NUTM2F: variants seen among roughly 807,000 people sequenced by gnomAD.
NUTM2F encodes the protein NUT family member 2F.
Under a neutral mutation model 43.3 loss-of-function variants are expected in NUTM2F, and 22 were observed. The ratio of observed to expected loss-of-function variants is 0.51; its 90% CI spans 0.36 to 0.73. NUTM2F has a LOEUF of 0.73. Among genes scored for constraint, NUTM2F ranks in the 30% least tolerant of loss-of-function variants. NUTM2F has a pLI of 0.00. For missense variants in NUTM2F, 488 were observed against 927.4 expected (o/e 0.53, Z 6.15); for synonymous variants, 202 against 389.0 (o/e 0.52, Z 5.66).
intron 2 of NUTM2F, among the ~76,000 whole-genome samples, chr9:94,323,084 G>T (rs1006634465): frequency 1.1e-4 from 16 of 152,152 alleles, no homozygotes; most frequent in Admixed American, 1.0e-3. Context: ...AGGAGCACAC[G>T]TCCAGAACCA....
In NUTM2F at chr9:94,325,929, G is replaced by C. The variant is rs755626910; in HGVS notation, c.22C>G (p.Pro8Ala). Residue 8 changes from proline to alanine, a missense_variant, in exon 2 of 7, where the codon CCA becomes GCA. Pro to Ala is a conservative substitution (Grantham distance 27, BLOSUM62 -1). Transcript: ENST00000253262. MASNGAY[P>A]VLGPGVTVNP... is the part of the protein sequence containing the mutation. The stretch of plus-strand genomic sequence containing the variant: ...ACGGTCACGCCGGGTCCCAGCACTG[G>C]GTATGCTGTGGAGACAAAGGAAAGA... 1 of 1,611,546 alleles carries C rather than the reference G, an allele frequency of 6.2e-7. No homozygotes were observed. Among genetic ancestry groups the C allele is most frequent in the Non-Finnish European group, 8.5e-7 (1 of 1,179,732 alleles).
chr9:94,322,826 T>C (rs990050037), intron 2 of NUTM2F, among the ~76,000 whole-genome samples: 4 of 152,148 alleles, frequency 2.6e-5, no homozygotes, highest in Non-Finnish European at 4.4e-5. Flanking sequence ...CGCTGTCACC[T>C]TGATCTGGGA....
chr9:94,324,726 C>T (rs1831428115), intron 2 of NUTM2F, among the ~76,000 whole-genome samples: 1 of 150,086 alleles, frequency 6.7e-6, no homozygotes, highest in Admixed American at 6.6e-5. Flanking sequence ...CATGATGGCT[C>T]ATGCCTGTAA....
intron 2 of NUTM2F, 22 bp from the exon 3 acceptor site, chr9:94,322,351 C>T (rs753527812): frequency 1.6e-5 from 26 of 1,611,610 alleles, no homozygotes; most frequent in Non-Finnish European, 2.2e-5. Context: ...TGCAGTCAGT[C>T]CCAGTCTGTA....
In NUTM2F at chr9:94,325,875, T is replaced by C; in HGVS notation, c.76A>G (p.Thr26Ala). Residue 26 changes from threonine (T) to alanine (A), a missense_variant, in exon 2 of 7, where the codon ACG becomes GCG. Physicochemically the swap from Thr to Ala is moderately conservative, Grantham distance 58 (BLOSUM62 0). Transcript: ENST00000253262. Reference sequence around the variant, plus strand: ...GCGGGTGTGGCAAAGGGCAGAGCCGTGAACACAGACAGGGAGGTGCCAGGG... The same window carrying C: ...GCGGGTGTGGCAAAGGGCAGAGCCGCGAACACAGACAGGGAGGTGCCAGGG... ...VNPGTSLSVFTALPFATPAPG... is the reference protein window; with the variant it reads ...VNPGTSLSVFAALPFATPAPG... 2 of 1,611,888 alleles carry C rather than the reference T, an allele frequency of 1.2e-6. No homozygotes were observed. Among genetic ancestry groups the C allele is most frequent in the Non-Finnish European group, 1.7e-6 (2 of 1,179,834 alleles).
At chr9:94,323,931 C>T (rs1483299503) in intron 2 of NUTM2F, among the ~76,000 whole-genome samples, 2 of 152,170 alleles carry the variant, frequency 1.3e-5, no homozygotes, top group Non-Finnish European at 2.9e-5. Flanking sequence ...TGCCCCTGGC[C>T]ATTGACACTC....
chr9:94,326,636 C>T (rs1252330798), intron 1 of NUTM2F, among the ~76,000 whole-genome samples: 1 of 150,280 alleles, frequency 6.7e-6, no homozygotes, highest in Non-Finnish European at 1.5e-5. Flanking sequence ...CCCAGCTACT[C>T]AGGAGGCTGA....
chr9:94,323,590 C>G (rs1179015392), intron 2 of NUTM2F, among the ~76,000 whole-genome samples: 1 of 152,102 alleles, frequency 6.6e-6, no homozygotes, highest in African/African-American at 2.4e-5. Flanking sequence ...ATGGCCTAGT[C>G]CTGATAATGG....
chr9:94,321,363 T>C, intron 3 of NUTM2F, 131 bp from the exon 4 acceptor site: 5 of 1,437,952 alleles, frequency 3.5e-6, no homozygotes, highest in Non-Finnish European at 4.6e-6. Context: ...CTGGGACCCA[T>C]CCCCCAGTCC....
intron 2 of NUTM2F, among the ~76,000 whole-genome samples, chr9:94,323,720 A>G (rs71227870): frequency 3.9e-5 from 6 of 152,144 alleles, no homozygotes; most frequent in African/African-American, 9.7e-5. Context: ...TCTGAATGAA[A>G]CACCATTGTC....
At chr9:94,324,662 CAAAAAAAAAAA>C (rs539317022) in intron 2 of NUTM2F, among the ~76,000 whole-genome samples, 1 of 60,352 alleles carries the variant, frequency 1.7e-5, no homozygotes, top group African/African-American at 5.6e-5. Context: ...GACTCCATCT[CAAAAAAAAAAA>C]AAAAAGAAAA....
At position 94,326,173 on chromosome 9, in the gene NUTM2F, C is replaced by A. The variant is rs567301679; in HGVS notation, c.17-239G>T. 1.8e-3 allele frequency among the ~76,000 whole-genome samples: 280 copies of A among 152,046 alleles called. 2 individuals carry two copies. The Middle Eastern group carries it at 0.024, about 13-fold the overall frequency. On this transcript the variant is annotated intron_variant, in intron 1 of 6. Coordinates refer to ENST00000253262, the MANE Select transcript of NUTM2F (RefSeq NM_017561.2). Reference sequence around the variant, plus strand: ...TGTCTGCCAAGAAGAAACAGCCAAGCCTTTGCTGTCTCTGAGGGTCTCCCT... The same window carrying A: ...TGTCTGCCAAGAAGAAACAGCCAAGACTTTGCTGTCTCTGAGGGTCTCCCT...
chr9:94,324,007 C>T (rs1191925683), intron 2 of NUTM2F, among the ~76,000 whole-genome samples: 3 of 152,134 alleles, frequency 2.0e-5, no homozygotes, highest in East Asian at 1.9e-4. Context: ...CGGTGGCTCA[C>T]GCCTGCAATC....
chr9:94,321,808 G>A (rs1831370515), intron 3 of NUTM2F, among the ~76,000 whole-genome samples: 1 of 150,256 alleles, frequency 6.7e-6, no homozygotes, highest in Admixed American at 6.7e-5. Context: ...CCCTGGCCAG[G>A]CTGGGATGGG....
intron 5 of NUTM2F, 44 bp from the exon 6 acceptor site, chr9:94,319,773 T>G: frequency 6.3e-7 from 1 of 1,596,232 alleles, no homozygotes; most frequent in South Asian, 1.1e-5. Flanking sequence ...GGGGAGGGAG[T>G]AACCTGGAGC....
At chr9:94,322,537 C>T (rs1831390955) in intron 2 of NUTM2F, among the ~76,000 whole-genome samples, 2 of 152,250 alleles carry the variant, frequency 1.3e-5, no homozygotes, top group African/African-American at 4.8e-5. Context: ...CCGACTGCCT[C>T]TCAAGTCCTC....
In NUTM2F at chr9:94,324,532, G is replaced by A. The variant is rs181740966; in HGVS notation, c.713+706C>T. Among the ~76,000 whole-genome samples the A allele has an allele frequency of 4.6e-5, 7 of 151,410 alleles. No individual in the cohort carries two copies. The East Asian group carries it at 1.4e-3, about 30-fold the overall frequency. ...AAAAAAATTAGCCGGGCATGGTGGT[G>A]GGCACCTGTAGTCCCAGCTACTCGG... On this transcript the variant is annotated intron_variant, in intron 2 of 6. Transcript: ENST00000253262.
chr9:94,322,234 A>G lies in NUTM2F; in HGVS notation c.809T>C (p.Phe270Ser). Residue 270 changes from phenylalanine to serine, a missense_variant, in exon 3 of 7, where the codon TTT (phenylalanine) becomes TCT (serine). Coordinates refer to ENST00000253262, the MANE Select transcript of NUTM2F (RefSeq NM_017561.2). ...CATCTCGTAGAAGATCATCCGGTCA[A>G]AGTTGCTCGTGTGCTGCCATTCCCG... ...AMREWQHTSN[F>S]DRMIFYEMAE... is the part of the protein sequence containing the mutation. 1 of 1,612,034 alleles carries G rather than the reference A, an allele frequency of 6.2e-7. No individual in the cohort carries two copies.
intron 2 of NUTM2F, among the ~76,000 whole-genome samples, chr9:94,323,808 C>G (rs1247206662): frequency 2.6e-5 from 4 of 152,106 alleles, no homozygotes; most frequent in African/African-American, 4.8e-5. Context: ...CCAAGACCAT[C>G]CCCCTGTGCA....
Sources: allele counts gnomAD v4.1 joint callset (sites outside exome capture counted in the v4.1 genomes callset), GRCh38; gene constraint gnomAD v4.1.1; transcripts MANE v1.5; gene names NCBI Gene and HGNC (gene_info 2026-07-23, HGNC 2026-07-21).